The following SFPQ variants were observed in gnomAD, a reference collection of about 807,000 sequenced individuals.
SFPQ encodes splicing factor, proline- and glutamine-rich.
SFPQ carries 11 observed loss-of-function variants against 72.9 expected under a neutral mutation model. The ratio of observed to expected loss-of-function variants is 0.15; its 90% CI spans 0.09 to 0.25. The LOEUF (loss-of-function observed/expected upper bound fraction) is 0.25. SFPQ is among the 10% of genes least tolerant of loss of function. The pLI is 1.00. For missense variants in SFPQ, 847 were observed against 993.3 expected, an observed-to-expected ratio of 0.85 and a Z score of 1.98; for synonymous variants, 506 against 367.3, an observed-to-expected ratio of 1.38 and a Z score of -4.32.
Position 35,192,768 on chromosome 1 carries a change from ATGCGGCTGT to A in SFPQ, c.273_281del (p.Pro93_Gln95del). On this transcript the variant is annotated inframe_deletion, in exon 1 of 10. Coordinates refer to ENST00000357214, the MANE Select transcript of SFPQ (RefSeq NM_005066.3). ...GCGGTGGCGGCGGCTGCTGCTGCTG[ATGCGGCTGT>A]GGATGCGGCGGCGGCTGATGCGGTG... The A allele has an allele frequency of 1.3e-6, 2 of 1,500,414 alleles. No homozygotes were observed. The highest frequency in any genetic ancestry group is 1.8e-6 in the Non-Finnish European group (2 of 1,130,510). The allele number at this position is 1,500,414 out of a possible 1,614,324, so 92.9% of individuals were successfully genotyped here.
At chr1:35,178,580 C>T (rs1406007075), downstream of SFPQ, 1 of 1,058,426 alleles carries the variant, frequency 9.4e-7, no homozygotes, top group Non-Finnish European at 1.1e-6. Flanking sequence ...TAAGTCCTCA[C>T]TGAGTTTTAA....
At chr1:35,191,287 A>G (rs927954134) in intron 2 of SFPQ, 54 bp downstream of exon 2, 5 of 1,478,700 alleles carry the variant, frequency 3.4e-6, no homozygotes, top group Non-Finnish European at 4.7e-6. Context: ...TTGTAGTGAC[A>G]AAAAAATCCC....
chr1:35,187,157 G>A, intron 8 of SFPQ, 35 bp from the exon 9 acceptor site: 1 of 1,613,934 alleles, frequency 6.2e-7, no homozygotes, highest in Non-Finnish European at 8.5e-7. Flanking sequence ...AACTCCACCA[G>A]GATACTACTC....
intron 9 of SFPQ, 131 bp downstream of exon 9, chr1:35,186,870 G>T: frequency 1.2e-6 from 1 of 804,978 alleles, no homozygotes. Context: ...ACATATTTAT[G>T]TATGAAATTG....
At position 35,191,572 on chromosome 1, in the gene SFPQ, G is replaced by T. The variant is rs1639998216; in HGVS notation, c.829-43C>A. ...AAGTTTTCAAACACCAGAGACCTCT[G>T]CAAGTGAAAATCCCCAAGATAGTAT... On this transcript the variant is annotated intron_variant, in intron 1 of 9. Transcript: ENST00000357214. 6 of 1,471,822 alleles carry T rather than the reference G, an allele frequency of 4.1e-6. No individual in the cohort carries two copies. The South Asian group carries it at 5.9e-5, about 14-fold the overall frequency. 91.2% of individuals were successfully genotyped at this position (1,471,822 alleles called of 1,614,324 possible).
intron 4 of SFPQ, 100 bp from the exon 5 acceptor site, chr1:35,189,482 G>C: frequency 1.0e-6 from 1 of 996,140 alleles, no homozygotes; most frequent in Non-Finnish European, 1.4e-6. Flanking sequence ...TTCTTGTAAA[G>C]AGTACAAAAG....
At chr1:35,188,924 G>A in intron 6 of SFPQ, 79 bp downstream of exon 6, 1 of 1,116,326 alleles carries the variant, frequency 9.0e-7, no homozygotes, top group Non-Finnish European at 1.3e-6. Context: ...CTGCACCACT[G>A]CACTCCAGCC....
downstream of SFPQ, chr1:35,178,062 T>A: frequency 7.8e-7 from 1 of 1,278,494 alleles, no homozygotes; most frequent in South Asian, 1.4e-5. Flanking sequence ...AAAAAGTTAA[T>A]ATAAAAGACA....
chr1:35,187,077 C>G lies in SFPQ; in HGVS notation c.1910G>C (p.Gly637Ala). 1 of 1,614,068 alleles carries G rather than the reference C, an allele frequency of 6.2e-7. No homozygotes were observed. The change falls in exon 9 of 10, where the codon GGT (glycine) becomes GCT (alanine). Residue 637 changes from glycine (G) to alanine (A), a missense_variant. Gly to Ala is a moderately conservative substitution (Grantham distance 60). This residue lies in a region of SFPQ where 154 missense variants were observed against 186.0 expected (regional missense o/e 0.83). Coordinates refer to ENST00000357214, the MANE Select transcript of SFPQ (RefSeq NM_005066.3). Reference sequence around the variant, plus strand: ...ATTAGCTTCATAACCTATGCCACCACCACCTCCTAGAGGTGGAAATTTCTG... The same window carrying G: ...ATTAGCTTCATAACCTATGCCACCAGCACCTCCTAGAGGTGGAAATTTCTG... ...GGQKFPPLGG[G>A]GGIGYEANPG...
Position 35,191,359 on chromosome 1 carries a change from T to C in SFPQ, c.999A>G (p.Gly333=). ...PGEVFINKGK[G]FGFIKLESRA... is the part of the protein sequence containing the mutation. ...CACTCACAAGCTTAATAAATCCGAA[T>C]CCTTTGCCTTTGTTGATAAAAACTT... The change falls in exon 2 of 10, where the codon GGA becomes GGG. Residue 333 remains glycine (G), a synonymous_variant. Coordinates refer to ENST00000357214, the MANE Select transcript of SFPQ (RefSeq NM_005066.3). 6.2e-7 allele frequency: 1 copy of C among 1,613,850 alleles called. No individual in the cohort carries two copies. Among genetic ancestry groups the C allele is most frequent in the South Asian group, 1.1e-5 (1 of 91,058 alleles).
chr1:35,188,032 C>G lies in SFPQ; in HGVS notation c.1756G>C (p.Glu586Gln). The G allele has an allele frequency of 6.2e-7, 1 of 1,614,162 alleles. No homozygotes were observed. The highest frequency in any genetic ancestry group is 8.5e-7 in the Non-Finnish European group (1 of 1,180,028). ...EEMMIRQREM[E>Q]EQMRRQREES... ...TCTCTTTGGCGCCTCATTTGTTCTT[C>G]CATCTCACGTTGACGAATCATCATC... is the stretch of plus-strand genomic sequence containing the variant. The change falls in exon 7 of 10, where the codon GAA becomes CAA. Residue 586 changes from glutamate to glutamine, a missense_variant. Physicochemically the swap from Glu to Gln is conservative, Grantham distance 29 (BLOSUM62 2). Transcript: ENST00000357214.
At chr1:35,186,924 A>G (rs1207148503) in intron 9 of SFPQ, 77 bp downstream of exon 9, 2 of 1,489,632 alleles carry the variant, frequency 1.3e-6, no homozygotes, top group African/African-American at 2.8e-5. Flanking sequence ...TTAAAAAAAC[A>G]AAACAAAACA....
At chr1:35,187,891 A>C in intron 7 of SFPQ, 82 bp downstream of exon 7, 1 of 826,928 alleles carries the variant, frequency 1.2e-6, no homozygotes. Flanking sequence ...GTAATTTGAT[A>C]TTAAAATTTC....
intron 9 of SFPQ, among the ~76,000 whole-genome samples, chr1:35,185,738 CTTTG>C (rs1639680501): frequency 1.3e-5 from 2 of 152,086 alleles, no homozygotes; most frequent in South Asian, 2.1e-4. Context: ...AACTTTTATC[CTTTG>C]TTTTTCAAAA....
downstream of SFPQ, chr1:35,178,950 G>T: frequency 9.5e-7 from 1 of 1,054,104 alleles, no homozygotes; most frequent in Non-Finnish European, 1.1e-6. Context: ...ATGGTTAATG[G>T]TTTACCAGCA....
chr1:35,182,557 T>G, downstream of SFPQ: 1 of 985,472 alleles, frequency 1.0e-6, no homozygotes, highest in Non-Finnish European at 1.2e-6. Context: ...ATGCAGAAAG[T>G]GCTCAGATTG....
In SFPQ at chr1:35,192,415, A is replaced by G; in HGVS notation, c.635T>C (p.Met212Thr). Residue 212 changes from methionine (M) to threonine (T), a missense_variant, in exon 1 of 10, where the codon ATG becomes ACG. By Grantham distance (81) the Met-to-Thr change is moderately conservative. Transcript: ENST00000357214. ...GCCACCTGGCTTCGGCCCGCCAGGC[A>G]TTTTGCCGCCTTTGGGACCACCCGG... ...PGPGGPKGGK[M>T]PGGPKPGGGP... is the part of the protein sequence containing the mutation. 6 of 1,426,106 alleles carry G rather than the reference A, an allele frequency of 4.2e-6. No homozygotes were observed. Among genetic ancestry groups the G allele is most frequent in the Non-Finnish European group, 5.5e-6 (6 of 1,097,768 alleles). The allele number at this position is 1,426,106 out of a possible 1,614,324, so 88.3% of individuals were successfully genotyped here. A position where few individuals can be genotyped will look rare whatever the true frequency, so the allele number is the denominator to read the frequency against.
At chr1:35,182,928 A>C (rs1639531005), downstream of SFPQ, 1 of 1,045,548 alleles carries the variant, frequency 9.6e-7, no homozygotes, top group Non-Finnish European at 1.2e-6. Context: ...AACTGACAAC[A>C]CCATGGAAAC....
At chr1:35,191,752 T>G (rs12040076) in intron 1 of SFPQ, among the ~76,000 whole-genome samples, 4,131 of 146,856 alleles carry the variant, frequency 0.028, 165 homozygotes, top group African/African-American at 0.09. Flanking sequence ...CCCCAAAGAG[T>G]AGACGTCCAT....
Sources: allele counts gnomAD v4.1 joint callset (sites outside exome capture counted in the v4.1 genomes callset), GRCh38; gene constraint gnomAD v4.1.1; regional missense constraint gnomAD v4.1.1; transcripts MANE v1.5; gene names NCBI Gene and HGNC (gene_info 2026-07-23, HGNC 2026-07-21).